CPSF2: variants seen among roughly 807,000 people sequenced by gnomAD.
CPSF2 encodes cleavage and polyadenylation specificity factor subunit 2.
In CPSF2, 51 loss-of-function variants were observed where a neutral mutation model predicts 84.2. The ratio of observed to expected loss-of-function variants is 0.61; its 90% CI spans 0.48 to 0.77. The LOEUF (loss-of-function observed/expected upper bound fraction) is 0.77, where lower values mean the gene tolerates loss of function less well. Ranked by LOEUF, CPSF2 falls within the 30% of genes least tolerant of loss-of-function variation. The pLI is 0.00. For synonymous variants in CPSF2, 286 were observed against 311.9 expected (o/e 0.92, Z 0.87); for missense variants, 641 against 929.4 (o/e 0.69, Z 4.03).
intron 9 of CPSF2, 40 bp downstream of exon 9, chr14:92,143,334 GGGGATACATTGT>G: frequency 7.7e-7 from 1 of 1,303,230 alleles, no homozygotes; most frequent in East Asian, 2.3e-5. Flanking sequence ...AAACTGTTTG[GGGGATACATTGT>G]GCATGATGTA....
intron 1 of CPSF2, among the ~76,000 whole-genome samples, chr14:92,124,688 A>G (rs2068823518): frequency 6.6e-6 from 1 of 152,194 alleles, no homozygotes; most frequent in Non-Finnish European, 1.5e-5. Flanking sequence ...TGAGCACTTC[A>G]GATGTCGTTA....
intron 2 of CPSF2, among the ~76,000 whole-genome samples, chr14:92,127,318 A>C (rs890299553): frequency 6.6e-6 from 1 of 152,236 alleles, no homozygotes; most frequent in African/African-American, 2.4e-5. Context: ...AGAATAAATT[A>C]GAGACAGGGA....
chr14:92,136,849 T>A (rs1233700103), intron 6 of CPSF2, among the ~76,000 whole-genome samples: 1 of 152,176 alleles, frequency 6.6e-6, no homozygotes, highest in Non-Finnish European at 1.5e-5. Context: ...TTTAATTATA[T>A]AACAAAAGAA....
chr14:92,127,854 C>T (rs2068862257), intron 2 of CPSF2, among the ~76,000 whole-genome samples: 1 of 152,084 alleles, frequency 6.6e-6, no homozygotes, highest in Non-Finnish European at 1.5e-5. Flanking sequence ...GATGTAGTAT[C>T]TGGAAAATGA....
At position 92,134,123 on chromosome 14, in the gene CPSF2, A is replaced by G. The variant is rs779183068; in HGVS notation, c.262A>G (p.Ile88Val). The change falls in exon 4 of 16, where the codon ATT becomes GTT. Residue 88 changes from isoleucine to valine, a missense_variant. Around this residue, in one of 2 missense-constraint regions of CPSF2, gnomAD observed 211 missense variants for 375.7 expected, o/e 0.56. Transcript: ENST00000298875. Reference sequence around the variant, plus strand: ...TCTGAACTGTGCTATCTATGCAACCATTCCTGTTTATAAAATGGGACAGAT... The same window carrying G: ...TCTGAACTGTGCTATCTATGCAACCGTTCCTGTTTATAAAATGGGACAGAT... ...LGLNCAIYAT[I>V]PVYKMGQMFM... The G allele has an allele frequency of 6.8e-6, 11 of 1,614,084 alleles. No homozygotes were observed. In the South Asian group the frequency reaches 1.1e-4, roughly 16 times the overall value.
At chr14:92,131,220 C>A in intron 3 of CPSF2, 87 bp downstream of exon 3, 3 of 1,017,098 alleles carry the variant, frequency 2.9e-6, no homozygotes, top group South Asian at 1.8e-5. Context: ...ATAAATACTG[C>A]CTTTTTACAC....
chr14:92,161,514 T>C, intron 15 of CPSF2, 138 bp from the exon 16 acceptor site: 2 of 607,680 alleles, frequency 3.3e-6, no homozygotes, highest in South Asian at 2.7e-5. Context: ...ACTTCAATAT[T>C]ATATCCATAT....
rs972465686 is a variant in CPSF2 at position 92,138,224 on chromosome 14, T to C, written c.546-8T>C. On this transcript the variant is annotated splice_polypyrimidine_tract_variant and splice_region_variant and intron_variant, in intron 6 of 15. Transcript: ENST00000298875. ...ATAAAATATTCCTCTTCTTAAACTT[T>C]CTTATAGCCATTTAAATGGATGTTC... The C allele has an allele frequency of 1.4e-6, 2 of 1,457,274 alleles. No individual in the cohort carries two copies. The highest frequency in any genetic ancestry group is 1.9e-6 in the Non-Finnish European group (2 of 1,055,374). 90.3% of individuals were successfully genotyped at this position (1,457,274 alleles called of 1,614,324 possible).
At chr14:92,122,300 G>T in intron 1 of CPSF2, 172 bp downstream of exon 1, 1 of 219,266 alleles carries the variant, frequency 4.6e-6, no homozygotes, top group Non-Finnish European at 9.4e-6. Context: ...GCGAGGGAAA[G>T]AGAAGTGACT....
intron 1 of CPSF2, among the ~76,000 whole-genome samples, chr14:92,123,738 A>G (rs189723816): frequency 6.6e-6 from 1 of 152,312 alleles, no homozygotes; most frequent in African/African-American, 2.4e-5. Context: ...TAACTGTGAG[A>G]TATTTGCGAT....
intron 11 of CPSF2, 71 bp from the exon 12 acceptor site, chr14:92,156,408 C>T: frequency 7.9e-7 from 1 of 1,266,090 alleles, no homozygotes; most frequent in Non-Finnish European, 1.1e-6. Context: ...AATTATGCCA[C>T]CTACTAGTCA....
intron 10 of CPSF2, 120 bp from the exon 11 acceptor site, chr14:92,155,003 A>G (rs1567025153): frequency 1.0e-5 from 7 of 687,378 alleles, no homozygotes; most frequent in African/African-American, 1.8e-5. Flanking sequence ...ACATAACTGT[A>G]TATTATCATT....
rs1262144206 is a variant in CPSF2, at chr14:92,168,529, T to C, written c.*6785T>C. 1 of 152,156 alleles carries C rather than the reference T, an allele frequency of 6.6e-6. No homozygotes were observed. Among genetic ancestry groups the C allele is most frequent in the Non-Finnish European group, 1.5e-5 (1 of 68,032 alleles). 9.4% of individuals were successfully genotyped at this position (152,156 alleles called of 1,614,324 possible). ...TCTATTTTTTGGTGCTTTTCGTTCA[T>C]TATTCACTCCATTTCATTTTAGCTC... is the stretch of plus-strand genomic sequence containing the variant. On this transcript the variant is annotated 3_prime_UTR_variant, in exon 16 of 16. Coordinates refer to ENST00000298875, the MANE Select transcript of CPSF2 (RefSeq NM_017437.3).
chr14:92,127,219 A>C (rs1029443112), intron 2 of CPSF2, among the ~76,000 whole-genome samples: 1 of 152,188 alleles, frequency 6.6e-6, no homozygotes, highest in African/African-American at 2.4e-5. Flanking sequence ...GAGAGCACTA[A>C]GTATTTTGAG....
At chr14:92,126,750 G>A (rs2068850437) in intron 2 of CPSF2, among the ~76,000 whole-genome samples, 1 of 152,102 alleles carries the variant, frequency 6.6e-6, no homozygotes, top group Admixed American at 6.6e-5. Flanking sequence ...CTGCAAATGA[G>A]CCATGATTGC....
chr14:92,146,489 C>T (rs1443279909), intron 9 of CPSF2, among the ~76,000 whole-genome samples: 1 of 152,168 alleles, frequency 6.6e-6, no homozygotes. Flanking sequence ...CCACTGCACT[C>T]CAACCTGGGT....
chr14:92,141,047 G>A (rs2069071960), intron 7 of CPSF2, among the ~76,000 whole-genome samples: 2 of 152,156 alleles, frequency 1.3e-5, no homozygotes, highest in Non-Finnish European at 2.9e-5. Context: ...TATACTTGTT[G>A]GAAGGGAATA....
chr14:92,141,040 A>G (rs548954530), intron 7 of CPSF2, among the ~76,000 whole-genome samples: 23 of 152,336 alleles, frequency 1.5e-4, no homozygotes, highest in African/African-American at 5.3e-4. Context: ...ATAAAGATAT[A>G]CTTGTTGGAA....
intron 3 of CPSF2, among the ~76,000 whole-genome samples, chr14:92,133,748 G>C (rs529526552): frequency 2.2e-4 from 34 of 152,038 alleles, no homozygotes; most frequent in African/African-American, 8.2e-4. Flanking sequence ...TTACAGGTGT[G>C]TGCCATCACA....
Sources: allele counts gnomAD v4.1 joint callset (sites outside exome capture counted in the v4.1 genomes callset), GRCh38; gene constraint gnomAD v4.1.1; regional missense constraint gnomAD v4.1.1; transcripts MANE v1.5; gene names NCBI Gene and HGNC (gene_info 2026-07-23, HGNC 2026-07-21).